Variants in FADS2 observed in about 807,000 individuals in gnomAD.
FADS2 encodes acyl-CoA 6-desaturase.
A neutral mutation model predicts 61.2 loss-of-function variants in FADS2; 18 were observed. The ratio of observed to expected loss-of-function variants is 0.29; its 90% CI spans 0.20 to 0.44. The LOEUF (loss-of-function observed/expected upper bound fraction) is 0.44, where lower values mean the gene tolerates loss of function less well. Ranked by LOEUF, FADS2 falls within the 20% of genes least tolerant of loss-of-function variation. The pLI is 1.00. For missense variants in FADS2, 322 were observed against 572.7 expected, an observed-to-expected ratio of 0.56 and a Z score of 4.47; for synonymous variants, 203 against 223.9, an observed-to-expected ratio of 0.91 and a Z score of 0.83.
intron 5 of FADS2, among the ~76,000 whole-genome samples, chr11:61,852,240 C>T (rs1311203561): frequency 1.3e-5 from 2 of 152,110 alleles, no homozygotes; most frequent in African/African-American, 4.8e-5. Flanking sequence ...TGCCTTTCCC[C>T]TTCTCTTTCT....
intron 10 of FADS2, among the ~76,000 whole-genome samples, 200 bp from the exon 11 acceptor site, chr11:61,864,952 G>A (rs962606613): frequency 2.4e-4 from 37 of 152,222 alleles, no homozygotes; most frequent in Non-Finnish European, 1.5e-4. Flanking sequence ...ACGCCCTCCT[G>A]CTCACGGAGG....
chr11:61,857,618 C>T, intron 7 of FADS2, 88 bp downstream of exon 7: 3 of 1,197,138 alleles, frequency 2.5e-6, no homozygotes, highest in Admixed American at 3.5e-5. Context: ...TCCTCGTGTG[C>T]CCCAGTGGAG....
At chr11:61,832,261 G>C (rs924941361) in intron 1 of FADS2, among the ~76,000 whole-genome samples, 1 of 152,224 alleles carries the variant, frequency 6.6e-6, no homozygotes, top group East Asian at 1.9e-4. Context: ...TTGTGAAAAC[G>C]CAACAGATCG....
At chr11:61,828,185 G>T (rs746520279), upstream of FADS2, 753 of 1,416,812 alleles carry the variant, frequency 5.3e-4, no homozygotes, top group Non-Finnish European at 6.4e-4. This position sits in a 1 kb window ranked among gnomAD's most constrained non-coding sequence, Gnocchi z 6.4. Context: ...GGGAAGCCAG[G>T]GATCCTCCGC....
rs1591157958 is a variant in FADS2 at position 61,816,874 on chromosome 11, G to T, written c.141+448G>T. On this transcript the variant is annotated intron_variant, in intron 1 of 11. Coordinates refer to the FADS2 transcript ENST00000257261. This position sits in a 1 kb window ranked among gnomAD's most constrained non-coding sequence, Gnocchi z 7.0. Reference sequence around the variant, plus strand: ...CGCGCCCAGAGCCAGCCGCCTGCGCGCCGGGTTTTCAGCACCGCAGGGCAG... The same window carrying T: ...CGCGCCCAGAGCCAGCCGCCTGCGCTCCGGGTTTTCAGCACCGCAGGGCAG... 3 of 1,477,540 alleles carry T rather than the reference G, an allele frequency of 2.0e-6. No individual in the cohort carries two copies. Among genetic ancestry groups the T allele is most frequent in the Non-Finnish European group, 2.7e-6 (3 of 1,125,000 alleles). The allele number at this position is 1,477,540 out of a possible 1,614,324, so 91.5% of individuals were successfully genotyped here. A position where few individuals can be genotyped will look rare whatever the true frequency, so the allele number is the denominator to read the frequency against.
intron 1 of FADS2, among the ~76,000 whole-genome samples, chr11:61,820,020 C>T (rs1332986344): frequency 7.2e-5 from 11 of 151,818 alleles, no homozygotes; most frequent in Non-Finnish European, 1.3e-4. Context: ...GCCAGGAGCT[C>T]GAGACCCACC....
At chr11:61,864,388 T>G (rs1019427800) in intron 10 of FADS2, among the ~76,000 whole-genome samples, 2 of 151,548 alleles carry the variant, frequency 1.3e-5, no homozygotes, top group African/African-American at 4.8e-5. Flanking sequence ...TTTTTTTTTT[T>G]ACTTTTATTT....
rs1012720154 is a variant in FADS2, at chr11:61,866,236, C to G, written c.*547C>G. 5.2e-6 allele frequency: 2 copies of G among 382,608 alleles called. No individual in the cohort carries two copies. Among genetic ancestry groups the G allele is most frequent in the Non-Finnish European group, 9.2e-6 (2 of 216,492 alleles). 23.7% of individuals were successfully genotyped at this position (382,608 alleles called of 1,614,324 possible). On this transcript the variant is annotated 3_prime_UTR_variant, in exon 12 of 12. Coordinates refer to ENST00000278840, the MANE Select transcript of FADS2 (RefSeq NM_004265.4). The stretch of plus-strand genomic sequence containing the variant: ...GCCTGCTTTGTTACAAAGCTCGGGT[C>G]TCCCTCCTGCAGCTCGGTTAAGTAC...
chr11:61,818,821 G>A (rs2067010989), intron 1 of FADS2, among the ~76,000 whole-genome samples: 1 of 151,976 alleles, frequency 6.6e-6, no homozygotes, highest in Admixed American at 6.6e-5. Flanking sequence ...TGGTAGAAGT[G>A]TAAGTTGATT....
chr11:61,864,809 T>C (rs1487191912), intron 10 of FADS2, among the ~76,000 whole-genome samples: 2 of 152,226 alleles, frequency 1.3e-5, no homozygotes, highest in Non-Finnish European at 2.9e-5. Flanking sequence ...ATGCTGGGAT[T>C]ACAGGCGTGA....
upstream of FADS2, chr11:61,827,863 G>T: frequency 4.9e-6 from 1 of 205,194 alleles, no homozygotes; most frequent in South Asian, 1.4e-4. This position sits in a 1 kb window ranked among gnomAD's most constrained non-coding sequence, Gnocchi z 4.5. Context: ...CTCGCAGCAG[G>T]GCTCGACTCC....
At chr11:61,864,664 G>A (rs901898695) in intron 10 of FADS2, among the ~76,000 whole-genome samples, 1 of 152,132 alleles carries the variant, frequency 6.6e-6, no homozygotes, top group African/African-American at 2.4e-5. Flanking sequence ...CAAAGTGCTG[G>A]GATTACAGGT....
chr11:61,867,031 G>A lies in FADS2; in HGVS notation c.*1342G>A, dbSNP rs1214385901. ...CTGAGGGGACGGGCAAGTGAGAGGG[G>A]AGGGAGGGAAGTCCTGGGAGGATCC... On this transcript the variant is annotated 3_prime_UTR_variant, in exon 12 of 12. Transcript: ENST00000278840. The A allele has an allele frequency of 6.6e-6, 1 of 152,652 alleles. No individual in the cohort carries two copies. The highest frequency in any genetic ancestry group is 2.4e-5 in the African/African-American group (1 of 41,414). The allele number at this position is 152,652 out of a possible 1,614,324, so 9.5% of individuals were successfully genotyped here. A position where few individuals can be genotyped will look rare whatever the true frequency, so the allele number is the denominator to read the frequency against.
chr11:61,840,509 C>G lies in FADS2; in HGVS notation c.494C>G (p.Ala165Gly), dbSNP rs1231985556. Reference sequence around the variant, plus strand: ...GGCTGGATTCCTACCCTCATCACGGCCTTTGTCCTTGCTACCTCTCAGGTG... The same window carrying G: ...GGCTGGATTCCTACCCTCATCACGGGCTTTGTCCTTGCTACCTCTCAGGTG... ...GNGWIPTLIT[A>G]FVLATSQAQA... The change falls in exon 3 of 12, where the codon GCC becomes GGC. Residue 165 changes from alanine to glycine, a missense_variant. Coordinates refer to ENST00000278840, the MANE Select transcript of FADS2 (RefSeq NM_004265.4). 2.5e-6 allele frequency: 4 copies of G among 1,614,080 alleles called. No homozygotes were observed. The highest frequency in any genetic ancestry group is 3.3e-5 in the Admixed American group (2 of 60,010).
chr11:61,862,465 C>T (rs763639062), intron 7 of FADS2: 5 of 169,242 alleles, frequency 3.0e-5, no homozygotes, highest in South Asian at 1.5e-4. Context: ...GACAGTGGGG[C>T]GTGGGGAGGC....
chr11:61,816,822 C>A lies in FADS2; in HGVS notation c.141+396C>A. 1.3e-6 allele frequency: 2 copies of A among 1,495,368 alleles called. No individual in the cohort carries two copies. Among genetic ancestry groups the A allele is most frequent in the Non-Finnish European group, 8.8e-7 (1 of 1,132,564 alleles). 92.6% of individuals were successfully genotyped at this position (1,495,368 alleles called of 1,614,324 possible). On this transcript the variant is annotated intron_variant, in intron 1 of 11. Coordinates refer to the FADS2 transcript ENST00000257261. The surrounding 1 kb of genome is among the most constrained non-coding windows in gnomAD (Gnocchi z 7.0). Reference sequence around the variant, plus strand: ...CTGTCAGGCGCGTGCTCGGGGTCCGCGGGCTCCAGGAGTGGATTTGCTGGC... The same window carrying A: ...CTGTCAGGCGCGTGCTCGGGGTCCGAGGGCTCCAGGAGTGGATTTGCTGGC...
intron 2 of FADS2, among the ~76,000 whole-genome samples, chr11:61,839,671 A>C (rs1414693567): frequency 6.6e-6 from 1 of 152,218 alleles, no homozygotes; most frequent in Non-Finnish European, 1.5e-5. Context: ...GCATCAAATA[A>C]GCACATTTAC....
rs1565326739 is a variant in FADS2, at chr11:61,828,755, ATCC to A, written c.207+170_207+172del. 83 of 635,846 alleles carry A rather than the reference ATCC, an allele frequency of 1.3e-4. No individual in the cohort carries two copies. The highest frequency in any genetic ancestry group is 4.3e-4 in the Middle Eastern group (1 of 2,320). The allele number at this position is 635,846 out of a possible 1,614,324, so 39.4% of individuals were successfully genotyped here. On this transcript the variant is annotated intron_variant, in intron 1 of 11. Transcript: ENST00000278840. This position sits in a 1 kb window ranked among gnomAD's most constrained non-coding sequence, Gnocchi z 6.4. ...CTATTGCACTCGTACCCCCTCCCCA[ATCC>A]TCCTCCTCCTCTGGGCCGACTGGGG...
intron 1 of FADS2, among the ~76,000 whole-genome samples, chr11:61,821,675 T>C (rs1313664007): frequency 6.6e-6 from 1 of 152,236 alleles, no homozygotes; most frequent in Non-Finnish European, 1.5e-5. Context: ...TGAAATTGGA[T>C]AACTTATGGG....
Sources: gnomAD v4.1 joint callset for allele counts (sites outside exome capture counted in the v4.1 genomes callset) on GRCh38, gnomAD v4.1.1 for gene constraint, Gnocchi (gnomAD v3.1) non-coding constraint, MANE v1.5 for transcripts, NCBI Gene and HGNC (gene_info 2026-07-23, HGNC 2026-07-21) for gene names.